CEP55: variants seen among roughly 807,000 people sequenced by gnomAD.
CEP55 encodes centrosomal protein of 55 kDa.
Under a neutral mutation model 63.2 loss-of-function variants are expected in CEP55, and 57 were observed. The ratio of observed to expected loss-of-function variants is 0.90; its 90% CI spans 0.73 to 1.13. The LOEUF is 1.13. Among genes scored for constraint, CEP55 ranks in the 50% most tolerant of loss-of-function variants. The probability of loss-of-function intolerance (pLI) is 0.00; values close to 1 mark genes in which losing one functional copy is unlikely to be tolerated. For synonymous variants in CEP55, 178 were observed against 191.6 expected (o/e 0.93, Z 0.59); for missense variants, 456 against 518.9 (o/e 0.88, Z 1.18).
intron 1 of CEP55, among the ~76,000 whole-genome samples, chr10:93,498,303 G>A (rs2057595939): frequency 6.6e-6 from 1 of 152,176 alleles, no homozygotes. Flanking sequence ...TTAGGAAGCA[G>A]ATGTTTGGGG....
chr10:93,516,271 T>C (rs1381131512), intron 5 of CEP55, among the ~76,000 whole-genome samples: 3 of 152,176 alleles, frequency 2.0e-5, no homozygotes, highest in Non-Finnish European at 2.9e-5. Context: ...ACTCATAAGA[T>C]TGGAGAATCA....
intron 4 of CEP55, among the ~76,000 whole-genome samples, chr10:93,510,969 C>T (rs1372611540): frequency 7.2e-6 from 1 of 137,932 alleles, no homozygotes; most frequent in East Asian, 2.3e-4. Context: ...GACAGAGTCT[C>T]ACTCTGTCGC....
intron 8 of CEP55, among the ~76,000 whole-genome samples, chr10:93,524,394 A>T (rs2057898157): frequency 6.6e-6 from 1 of 152,166 alleles, no homozygotes; most frequent in Non-Finnish European, 1.5e-5. Flanking sequence ...ACCAGGAAGA[A>T]GTTGAATCTC....
chr10:93,497,791 T>C (rs2057588276), intron 1 of CEP55, among the ~76,000 whole-genome samples: 1 of 151,840 alleles, frequency 6.6e-6, no homozygotes, highest in Non-Finnish European at 1.5e-5. Context: ...AGGTTTGAAC[T>C]GGGGGAACCC....
chr10:93,524,860 G>A (rs2057903704), intron 8 of CEP55, among the ~76,000 whole-genome samples: 1 of 152,128 alleles, frequency 6.6e-6, no homozygotes, highest in Non-Finnish European at 1.5e-5. Flanking sequence ...CTCAATAGAT[G>A]CAGAAAAGGC....
rs1442229069 is a variant in CEP55 at position 93,519,949 on chromosome 10, C to T, written c.1191+142C>T. 3.3e-5 allele frequency: 28 copies of T among 840,512 alleles called. No individual in the cohort carries two copies. The East Asian group carries it at 6.4e-4, about 19-fold the overall frequency. 52.1% of individuals were successfully genotyped at this position (840,512 alleles called of 1,614,324 possible). A position where few individuals can be genotyped will look rare whatever the true frequency, so the allele number is the denominator to read the frequency against. On this transcript the variant is annotated intron_variant, in intron 8 of 8. Transcript: ENST00000371485. ...GGTAGAGCCTCTGCCTCATTTGAAG[C>T]AACTGCCCTTTGAGCATCAATTCAG...
chr10:93,504,966 G>C (rs4919192), intron 3 of CEP55, among the ~76,000 whole-genome samples: 148,496 of 151,654 alleles, frequency 0.98, 72,766 homozygotes, highest in East Asian at 1. Flanking sequence ...CACCTGCCAC[G>C]ACGCCCTGCT....
chr10:93,510,063 A>G (rs2057728973), intron 4 of CEP55, among the ~76,000 whole-genome samples: 1 of 152,208 alleles, frequency 6.6e-6, no homozygotes, highest in Non-Finnish European at 1.5e-5. Flanking sequence ...AATAAGCCCT[A>G]AAAGCTACGT....
At chr10:93,507,810 G>A (rs777710339) in intron 4 of CEP55, among the ~76,000 whole-genome samples, 13 of 149,146 alleles carry the variant, frequency 8.7e-5, no homozygotes, top group African/African-American at 2.7e-4. Context: ...CACCACGCCC[G>A]GCTAATTTTT....
At chr10:93,524,246 GA>G (rs2057895949) in intron 8 of CEP55, among the ~76,000 whole-genome samples, 1 of 152,152 alleles carries the variant, frequency 6.6e-6, no homozygotes, top group Admixed American at 6.5e-5. Flanking sequence ...AATAAAAAAT[GA>G]TAAAGGGGAT....
At position 93,517,057 on chromosome 10, in the gene CEP55, A is replaced by G; in HGVS notation, c.802A>G (p.Lys268Glu). ...LSFELSEFRR[K>E]YEETQKEVHN... Reference sequence around the variant, plus strand: ...TTTTGAACTGAGTGAATTTCGAAGAAAATATGAAGAAACCCAAAAAGAAGT... The same window carrying G: ...TTTTGAACTGAGTGAATTTCGAAGAGAATATGAAGAAACCCAAAAAGAAGT... Residue 268 changes from lysine to glutamate, a missense_variant, in exon 6 of 9, where the codon AAA (lysine) becomes GAA (glutamate). Lys to Glu is a moderately conservative substitution (Grantham distance 56, BLOSUM62 1). Coordinates refer to ENST00000371485, the MANE Select transcript of CEP55 (RefSeq NM_018131.5). 2 of 1,614,130 alleles carry G rather than the reference A, an allele frequency of 1.2e-6. No individual in the cohort carries two copies. Among genetic ancestry groups the G allele is most frequent in the Non-Finnish European group, 1.7e-6 (2 of 1,179,984 alleles).
At chr10:93,500,750 G>C (rs1434026742) in intron 2 of CEP55, among the ~76,000 whole-genome samples, 1 of 150,680 alleles carries the variant, frequency 6.6e-6, no homozygotes, top group Non-Finnish European at 1.5e-5. Flanking sequence ...AGAAGCATTC[G>C]ATTTTCCATA....
At chr10:93,506,551 A>G (rs567975980) in intron 3 of CEP55, among the ~76,000 whole-genome samples, 1 of 152,100 alleles carries the variant, frequency 6.6e-6, no homozygotes, top group African/African-American at 2.4e-5. Flanking sequence ...GTTTACCACC[A>G]TCTACTAGAT....
At chr10:93,508,662 C>T (rs1228279537) in intron 4 of CEP55, among the ~76,000 whole-genome samples, 1 of 152,182 alleles carries the variant, frequency 6.6e-6, no homozygotes, top group Non-Finnish European at 1.5e-5. Context: ...CTTGAATAAA[C>T]CACCTTTTCT....
intron 8 of CEP55, among the ~76,000 whole-genome samples, chr10:93,522,281 A>G (rs7911306): frequency 0.88 from 133,341 of 152,270 alleles, 58,766 homozygotes; most frequent in Non-Finnish European, 0.93. Flanking sequence ...CGAGAACAAC[A>G]TGACGAATGC....
At chr10:93,507,715 C>A (rs576909006) in intron 4 of CEP55, among the ~76,000 whole-genome samples, 1 of 152,136 alleles carries the variant, frequency 6.6e-6, no homozygotes, top group African/African-American at 2.4e-5. Context: ...CTGGTGAGAT[C>A]TCAGCTCACT....
At chr10:93,497,092 C>T (rs2057577259) in intron 1 of CEP55, among the ~76,000 whole-genome samples, 169 bp downstream of exon 1, 2 of 152,234 alleles carry the variant, frequency 1.3e-5, no homozygotes, top group Admixed American at 1.3e-4. Context: ...TTCTCTTTTC[C>T]TGTCTGTCTC....
At chr10:93,518,650 C>T (rs1439162227) in intron 6 of CEP55, among the ~76,000 whole-genome samples, 1 of 152,210 alleles carries the variant, frequency 6.6e-6, no homozygotes, top group African/African-American at 2.4e-5. Flanking sequence ...TGCTGTTTAT[C>T]AGCATTCAGT....
intron 1 of CEP55, among the ~76,000 whole-genome samples, chr10:93,497,682 G>A (rs1039797255): frequency 6.7e-6 from 1 of 148,450 alleles, no homozygotes; most frequent in Non-Finnish European, 1.5e-5. Flanking sequence ...AAAATAAAAG[G>A]TTAGCAGGAA....
Sources: allele counts gnomAD v4.1 joint callset (sites outside exome capture counted in the v4.1 genomes callset), GRCh38; gene constraint gnomAD v4.1.1; transcripts MANE v1.5; gene names NCBI Gene and HGNC (gene_info 2026-07-23, HGNC 2026-07-21).